Variants in ARID2 observed in about 807,000 individuals in gnomAD.
ARID2 encodes AT-rich interaction domain 2.
ARID2 carries 32 observed loss-of-function variants against 184.6 expected under a neutral mutation model. That is an observed-to-expected ratio of 0.17 (90% CI 0.13 to 0.23). The LOEUF is 0.23. ARID2 is among the 10% of genes least tolerant of loss of function. ARID2 has a pLI of 1.00. For missense variants in ARID2, 1,696 were observed against 2,197.6 expected (o/e 0.77, Z 4.56); for synonymous variants, 836 against 772.6 (o/e 1.08, Z -1.36).
chr12:45,805,761 T>C (rs1942588326), intron 3 of ARID2, among the ~76,000 whole-genome samples: 1 of 152,152 alleles, frequency 6.6e-6, no homozygotes, highest in Non-Finnish European at 1.5e-5. Flanking sequence ...GTTACCCTTT[T>C]TGTTTTGTGG....
chr12:45,776,720 C>T (rs190074244), intron 3 of ARID2, among the ~76,000 whole-genome samples: 3 of 148,854 alleles, frequency 2.0e-5, no homozygotes, highest in South Asian at 2.2e-4. Flanking sequence ...GAGGCCAAGG[C>T]GGACAGATCG....
intron 16 of ARID2, among the ~76,000 whole-genome samples, chr12:45,869,163 C>T (rs912325798): frequency 7.9e-5 from 12 of 151,726 alleles, no homozygotes; most frequent in African/African-American, 2.4e-4. Flanking sequence ...ATTACAGGCA[C>T]GTGCCACCAT....
chr12:45,811,327 G>A (rs1444612666), intron 3 of ARID2, 91 bp from the exon 4 acceptor site: 5 of 1,327,898 alleles, frequency 3.8e-6, no homozygotes, highest in Non-Finnish European at 5.0e-6. Flanking sequence ...TTAGATTATT[G>A]TTTAGAAAAG....
chr12:45,799,835 T>C (rs1160539425), intron 3 of ARID2, among the ~76,000 whole-genome samples: 1 of 152,154 alleles, frequency 6.6e-6, no homozygotes, highest in African/African-American at 2.4e-5. Flanking sequence ...CTAAAACCCA[T>C]AAATTTAGTT....
intron 11 of ARID2, among the ~76,000 whole-genome samples, chr12:45,844,692 G>A (rs939727148): frequency 2.0e-5 from 3 of 152,176 alleles, no homozygotes; most frequent in Non-Finnish European, 4.4e-5. Flanking sequence ...ATTATTTTAA[G>A]TGACTTGCAC....
At chr12:45,744,406 T>C (rs1305524378) in intron 3 of ARID2, among the ~76,000 whole-genome samples, 1 of 152,130 alleles carries the variant, frequency 6.6e-6, no homozygotes, top group Non-Finnish European at 1.5e-5. Context: ...TCCATAGGTA[T>C]TATCTATATT....
chr12:45,877,789 G>T (rs528722253), intron 16 of ARID2, among the ~76,000 whole-genome samples: 3 of 151,822 alleles, frequency 2.0e-5, no homozygotes, highest in South Asian at 2.1e-4. Context: ...GTAAGAAAAA[G>T]AAATATTTTG....
intron 6 of ARID2, among the ~76,000 whole-genome samples, chr12:45,832,881 G>A (rs1300436888): frequency 6.6e-6 from 1 of 152,146 alleles, no homozygotes; most frequent in African/African-American, 2.4e-5. Context: ...TAGGTTATAT[G>A]CAAATACTAT....
chr12:45,852,677 A>G lies in ARID2; in HGVS notation c.4554A>G (p.Pro1518=). ...GTAECKTVKR[P]AEDTDRETVA... Reference sequence around the variant, plus strand: ...CAGAATGCAAAACTGTAAAGAGGCCAGCAGAGGATACTGATAGGGAAACAG... The same window carrying G: ...CAGAATGCAAAACTGTAAAGAGGCCGGCAGAGGATACTGATAGGGAAACAG... The change falls in exon 15 of 21, where the codon CCA becomes CCG. Residue 1518 remains proline (P), a synonymous_variant. Transcript: ENST00000334344. 6.2e-7 allele frequency: 1 copy of G among 1,614,198 alleles called. No individual in the cohort carries two copies. The highest frequency in any genetic ancestry group is 8.5e-7 in the Non-Finnish European group (1 of 1,180,004).
intron 16 of ARID2, among the ~76,000 whole-genome samples, chr12:45,875,444 GACTTCA>G (rs1943995684): frequency 6.6e-6 from 1 of 152,188 alleles, no homozygotes; most frequent in Non-Finnish European, 1.5e-5. Context: ...AATGAGCATT[GACTTCA>G]ACTTAAAGTC....
In ARID2 at chr12:45,837,360, A is replaced by T. The variant is rs1943240425; in HGVS notation, c.1063A>T (p.Met355Leu). Residue 355 changes from methionine (M) to leucine (L), a missense_variant, in exon 9 of 21, where the codon ATG becomes TTG. Physicochemically the swap from Met to Leu is conservative, Grantham distance 15 (BLOSUM62 2). Transcript: ENST00000334344. Reference sequence around the variant, plus strand: ...TGTTGATTTCAAAACTACTCATCTGATGTTTCATACTGTTACAAAATGTCT... The same window carrying T: ...TGTTGATTTCAAAACTACTCATCTGTTGTTTCATACTGTTACAAAATGTCT... ...DPVDFKTTHL[M>L]FHTVTKCLMS... 1 of 1,611,734 alleles carries T rather than the reference A, an allele frequency of 6.2e-7. No homozygotes were observed. The highest frequency in any genetic ancestry group is 8.5e-7 in the Non-Finnish European group (1 of 1,179,338).
At position 45,781,256 on chromosome 12, in the gene ARID2, A is replaced by G. The variant is rs7138380; in HGVS notation, c.285-30162A>G. 9.1e-3 allele frequency among the ~76,000 whole-genome samples: 1,352 copies of G among 148,836 alleles called. 26 individuals are homozygous for G. The highest frequency in any genetic ancestry group is 0.031 in the African/African-American group (1,243 of 40,118). On this transcript the variant is annotated intron_variant, in intron 3 of 20. Coordinates refer to ENST00000334344, the MANE Select transcript of ARID2 (RefSeq NM_152641.4). The stretch of plus-strand genomic sequence containing the variant: ...TCTGTTGCAATCAAGACTGCAGTCA[A>G]TGGTTGGCCTGGGTTTCAGTCATCT...
At chr12:45,864,758 G>A (rs922977313) in intron 16 of ARID2, among the ~76,000 whole-genome samples, 2 of 152,032 alleles carry the variant, frequency 1.3e-5, no homozygotes, top group Non-Finnish European at 2.9e-5. Flanking sequence ...AGCCTTTAAG[G>A]ATCATTGTTC....
rs188761131 is a variant in ARID2, at chr12:45,750,480, T to A, written c.284+19166T>A. ...GTGAGCACATGGTTTTAAAAAATGA[T>A]GCCGATAGACTTGCTTCAACTTGTT... On this transcript the variant is annotated intron_variant, in intron 3 of 20. Transcript: ENST00000334344. 3.3e-5 allele frequency among the ~76,000 whole-genome samples: 5 copies of A among 152,346 alleles called. No individual in the cohort carries two copies. In the South Asian group the frequency reaches 1.0e-3, roughly 32 times the overall value.
intron 16 of ARID2, among the ~76,000 whole-genome samples, chr12:45,869,362 C>T (rs1943881681): frequency 6.6e-6 from 1 of 151,922 alleles, no homozygotes; most frequent in African/African-American, 2.4e-5. Flanking sequence ...TGATAGTGAG[C>T]ACTTTTTTTT....
At chr12:45,801,229 G>A (rs1382639889) in intron 3 of ARID2, among the ~76,000 whole-genome samples, 5 of 151,722 alleles carry the variant, frequency 3.3e-5, no homozygotes, top group Non-Finnish European at 7.4e-5. Flanking sequence ...GGAGAATGGC[G>A]TGAACCCGGG....
intron 20 of ARID2, among the ~76,000 whole-genome samples, chr12:45,899,657 A>ATATATATATATGGTTATATATGGT (rs763806932): frequency 2.1e-5 from 2 of 97,490 alleles, no homozygotes; most frequent in Non-Finnish European, 4.1e-5. Flanking sequence ...ATTTGGTTAT[A>ATATATATATATGGTTATATATGGT]TATATATATA....
intron 3 of ARID2, among the ~76,000 whole-genome samples, chr12:45,769,569 G>C (rs1023322985): frequency 6.6e-6 from 1 of 152,186 alleles, no homozygotes; most frequent in Non-Finnish European, 1.5e-5. Flanking sequence ...GTGTACCAAC[G>C]TACACATAAT....
rs1456476967 is a variant in ARID2 at position 45,851,280 on chromosome 12, G to A, written c.3157G>A (p.Ala1053Thr). The A allele has an allele frequency of 1.9e-6, 3 of 1,614,194 alleles. No homozygotes were observed. Among genetic ancestry groups the A allele is most frequent in the Admixed American group, 3.3e-5 (2 of 60,026 alleles). ...QQSNAGVGQP[A>T]SGESSLIKQL... ...GTCGAATGCAGGAGTTGGTCAGCCT[G>A]CCTCTGGTGAGTCGAGTCTGATTAA... Residue 1053 changes from alanine (A) to threonine (T), a missense_variant, in exon 15 of 21, where the codon GCC becomes ACC. Physicochemically the swap from Ala to Thr is moderately conservative, Grantham distance 58. Coordinates refer to ENST00000334344, the MANE Select transcript of ARID2 (RefSeq NM_152641.4).
Sources: gnomAD v4.1 joint callset for allele counts (sites outside exome capture counted in the v4.1 genomes callset) on GRCh38, gnomAD v4.1.1 for gene constraint, MANE v1.5 for transcripts, NCBI Gene and HGNC (gene_info 2026-07-23, HGNC 2026-07-21) for gene names.